The following SH3GL1 variants were observed in gnomAD, a reference collection of about 807,000 sequenced individuals.
The protein encoded by SH3GL1 is endophilin-A2.
Under a neutral mutation model 48.8 loss-of-function variants are expected in SH3GL1, and 21 were observed. That is an observed-to-expected ratio of 0.43 (90% CI 0.30 to 0.62). SH3GL1 has a LOEUF of 0.62. Among genes scored for constraint, SH3GL1 ranks in the 20% least tolerant of loss-of-function variants. SH3GL1 has a pLI of 0.11. For missense variants in SH3GL1, 454 were observed against 503.0 expected, an observed-to-expected ratio of 0.90 and a Z score of 0.93; for synonymous variants, 282 against 217.5, an observed-to-expected ratio of 1.30 and a Z score of -2.61.
In SH3GL1 at chr19:4,367,236, G is replaced by A. The variant is rs181504975; in HGVS notation, c.46-242C>T. Among the ~76,000 whole-genome samples the A allele has an allele frequency of 7.2e-5, 11 of 152,222 alleles. No individual in the cohort carries two copies. The highest frequency in any genetic ancestry group is 7.2e-4 in the Admixed American group (11 of 15,294). On this transcript the variant is annotated intron_variant, in intron 1 of 9. Transcript: ENST00000269886. The surrounding 1 kb of genome is among the most constrained non-coding windows in gnomAD (Gnocchi z 4.2). ...TGGCCTGCCCACCTGTGTGTGTCCC[G>A]ACTGCCACTCACATACCCACTGGGG...
intron 1 of SH3GL1, among the ~76,000 whole-genome samples, chr19:4,379,217 G>A (rs1019968707): frequency 1.3e-5 from 2 of 152,120 alleles, no homozygotes; most frequent in African/African-American, 4.8e-5. Context: ...CACTTTAGGA[G>A]GTCAAGGAAG....
chr19:4,392,518 T>TCACA (rs60108906), intron 1 of SH3GL1, among the ~76,000 whole-genome samples: 2,333 of 137,776 alleles, frequency 0.017, 26 homozygotes, highest in Admixed American at 0.028. Flanking sequence ...CAAGACTCCG[T>TCACA]CACACACACA....
chr19:4,362,520 G>T (rs1599587937), intron 8 of SH3GL1, 92 bp downstream of exon 8: 1 of 1,590,622 alleles, frequency 6.3e-7, no homozygotes, highest in South Asian at 1.1e-5. Context: ...GCACCCAGGA[G>T]TCTGGCGCTC....
chr19:4,372,092 C>T (rs950746192), intron 1 of SH3GL1, among the ~76,000 whole-genome samples: 12 of 152,322 alleles, frequency 7.9e-5, no homozygotes, highest in African/African-American at 2.9e-4. Flanking sequence ...ACAGGCATGA[C>T]ACAGTGTGCC....
chr19:4,392,876 G>A (rs1973362819), intron 1 of SH3GL1, among the ~76,000 whole-genome samples: 1 of 151,928 alleles, frequency 6.6e-6, no homozygotes, highest in East Asian at 1.9e-4. Flanking sequence ...GGGCAGCAGA[G>A]GTTGCAGTGA....
Position 4,361,324 on chromosome 19 carries a change from TG to T in SH3GL1, c.*275del. ...CGCCTCGGCCAGCTGGGCGAGAAGT[TG>T]GGGAGCGGGGGAGGAGGCTGGCGCC... On this transcript the variant is annotated 3_prime_UTR_variant, in exon 10 of 10. Transcript: ENST00000269886. 2.0e-6 allele frequency: 1 copy of T among 502,884 alleles called. No individual in the cohort carries two copies. The highest frequency in any genetic ancestry group is 3.5e-6 in the Non-Finnish European group (1 of 282,092). 31.2% of individuals were successfully genotyped at this position (502,884 alleles called of 1,614,324 possible). A position where few individuals can be genotyped will look rare whatever the true frequency, so the allele number is the denominator to read the frequency against.
chr19:4,379,860 C>A (rs372602966), intron 1 of SH3GL1, among the ~76,000 whole-genome samples: 9 of 152,204 alleles, frequency 5.9e-5, no homozygotes, highest in Non-Finnish European at 1.2e-4. Context: ...GCCCTGCCCC[C>A]CAAGGCTTGC....
In SH3GL1 at chr19:4,361,448, T is replaced by A. The variant is rs1219601212; in HGVS notation, c.*152A>T. 2 of 618,442 alleles carry A rather than the reference T, an allele frequency of 3.2e-6. No individual in the cohort carries two copies. The highest frequency in any genetic ancestry group is 5.5e-5 in the East Asian group (2 of 36,210). 38.3% of individuals were successfully genotyped at this position (618,442 alleles called of 1,614,324 possible). ...TAAGCCCCCCCACCCAAGTGTGGGG[T>A]CCTGCTCAGGGAGTACCTCAAGGGC... is the stretch of plus-strand genomic sequence containing the variant. On this transcript the variant is annotated 3_prime_UTR_variant, in exon 10 of 10. Transcript: ENST00000269886.
chr19:4,380,787 C>CTGAATTTTCTATA (rs1184140427), intron 1 of SH3GL1, among the ~76,000 whole-genome samples: 2 of 152,064 alleles, frequency 1.3e-5, no homozygotes, highest in African/African-American at 4.8e-5. Flanking sequence ...GTAACGGGGA[C>CTGAATTTTCTATA]TGAATTTTCT....
intron 9 of SH3GL1, 129 bp downstream of exon 9, chr19:4,362,200 C>T: frequency 2.1e-6 from 2 of 951,934 alleles, no homozygotes; most frequent in South Asian, 2.8e-5. Context: ...GGGCCTGTGC[C>T]CCCTACTGCT....
chr19:4,390,534 G>A (rs994841089), intron 1 of SH3GL1: 2 of 152,182 alleles, frequency 1.3e-5, no homozygotes, highest in African/African-American at 4.8e-5. Context: ...GGGAGAGATA[G>A]GGAGAGGAGG....
At chr19:4,397,619 C>T (rs1973448753) in intron 1 of SH3GL1, among the ~76,000 whole-genome samples, 1 of 152,160 alleles carries the variant, frequency 6.6e-6, no homozygotes, top group Non-Finnish European at 1.5e-5. Context: ...GAGCAGTACT[C>T]TATGGTGCTC....
Position 4,360,534 on chromosome 19 carries a change from A to T in SH3GL1, c.*1066T>A, listed in dbSNP as rs1599584034. The T allele has an allele frequency of 4.3e-6, 1 of 233,676 alleles. No homozygotes were observed. Among genetic ancestry groups the T allele is most frequent in the East Asian group, 6.0e-5 (1 of 16,540 alleles). The allele number at this position is 233,676 out of a possible 1,614,324, so 14.5% of individuals were successfully genotyped here. A position where few individuals can be genotyped will look rare whatever the true frequency, so the allele number is the denominator to read the frequency against. ...GCAGAGCCTGGGGTCCGGAGGCTTC[A>T]CTGGACCACAGGGGGAGGGGAATGT... On this transcript the variant is annotated 3_prime_UTR_variant, in exon 10 of 10. Coordinates refer to ENST00000269886, the MANE Select transcript of SH3GL1 (RefSeq NM_003025.4).
intron 1 of SH3GL1, among the ~76,000 whole-genome samples, chr19:4,368,970 G>A (rs529810704): frequency 4.6e-5 from 7 of 152,328 alleles, no homozygotes; most frequent in African/African-American, 1.7e-4. Flanking sequence ...TACTCGGGAG[G>A]CTGAGGTAGG....
At chr19:4,390,865 C>T (rs1478471557) in intron 1 of SH3GL1, among the ~76,000 whole-genome samples, 1 of 152,158 alleles carries the variant, frequency 6.6e-6, no homozygotes, top group African/African-American at 2.4e-5. Flanking sequence ...CTGCCCCGGG[C>T]AGCGCCGAAA....
rs1293393213 is a variant in SH3GL1, at chr19:4,389,498, CTG to C, written c.45+10824_45+10825del. Reference sequence around the variant, plus strand: ...ACACAGGGTGGGCGGGAGGGACTGACTGTGTGAGTTCCCATGCAGGGGAAGAG... The same window carrying C: ...ACACAGGGTGGGCGGGAGGGACTGACTGTGAGTTCCCATGCAGGGGAAGAG... On this transcript the variant is annotated intron_variant, in intron 1 of 9. Transcript: ENST00000269886. This position sits in a 1 kb window ranked among gnomAD's most constrained non-coding sequence, Gnocchi z 4.5. Among the ~76,000 whole-genome samples, 1 of 152,156 alleles carries C rather than the reference CTG, an allele frequency of 6.6e-6. No homozygotes were observed. Among genetic ancestry groups the C allele is most frequent in the Non-Finnish European group, 1.5e-5 (1 of 68,006 alleles).
At chr19:4,366,431 C>T (rs1425545755) in intron 3 of SH3GL1, 70 bp downstream of exon 3, 2 of 1,255,876 alleles carry the variant, frequency 1.6e-6, no homozygotes, top group South Asian at 1.3e-5. Flanking sequence ...GTTCTGTCAT[C>T]CCCTGCCTTC....
intron 1 of SH3GL1, among the ~76,000 whole-genome samples, chr19:4,379,425 C>CAAAA (rs973250795): frequency 5.6e-5 from 5 of 89,330 alleles, no homozygotes; most frequent in African/African-American, 2.1e-4. Context: ...GATGCTGTCT[C>CAAAA]AAAAAAAAAA....
intron 1 of SH3GL1, among the ~76,000 whole-genome samples, chr19:4,373,923 G>A (rs1017215227): frequency 5.3e-5 from 8 of 152,264 alleles, no homozygotes; most frequent in Non-Finnish European, 1.2e-4. Flanking sequence ...CGCCTTGGGG[G>A]TGCGTTTCTG....
Sources: allele counts gnomAD v4.1 joint callset (sites outside exome capture counted in the v4.1 genomes callset), GRCh38; gene constraint gnomAD v4.1.1; non-coding constraint Gnocchi (gnomAD v3.1); transcripts MANE v1.5; gene names NCBI Gene and HGNC (gene_info 2026-07-23, HGNC 2026-07-21).